The following PCDH15 variants were observed in gnomAD, a reference collection of about 807,000 sequenced individuals.
PCDH15 encodes protocadherin-15.
A neutral mutation model predicts 178.5 loss-of-function variants in PCDH15; 129 were observed. The observed-to-expected ratio is 0.72, with a 90% CI of 0.63 to 0.84. The LOEUF is 0.84. Among genes scored for constraint, PCDH15 ranks in the 40% least tolerant of loss-of-function variants. The probability of loss-of-function intolerance (pLI) is 0.00; values close to 1 mark genes in which losing one functional copy is unlikely to be tolerated. For synonymous variants in PCDH15, 800 were observed against 732.0 expected (o/e 1.09, Z -1.50); for missense variants, 2,230 against 2,099.9 (o/e 1.06, Z -1.21).
chr10:54,869,760 C>A lies in PCDH15; in HGVS notation c.-29+27690G>T, dbSNP rs1211586104. Among the ~76,000 whole-genome samples, 6 of 152,248 alleles carry A rather than the reference C, an allele frequency of 3.9e-5. No homozygotes were observed. In the East Asian group the frequency reaches 9.6e-4, roughly 24 times the overall value. ...AAGATAATGACTCTACAAGAGTGAT[C>A]CCAAAGTTCAAGGTGACACTTATAA... On this transcript the variant is annotated intron_variant, in intron 3 of 5. Transcript: ENST00000458638.
chr10:54,956,983 C>T (rs1274148326), intron 2 of PCDH15, among the ~76,000 whole-genome samples: 2 of 151,494 alleles, frequency 1.3e-5, no homozygotes, highest in Non-Finnish European at 3.0e-5. Context: ...GTTATACTGT[C>T]GCTAATTAGA....
At chr10:55,316,705 G>T (rs74136609) in intron 1 of PCDH15, among the ~76,000 whole-genome samples, 3 of 151,940 alleles carry the variant, frequency 2.0e-5, no homozygotes, top group Non-Finnish European at 4.4e-5. Context: ...CACTCTTTTC[G>T]AACAGATAAC....
intron 3 of PCDH15, among the ~76,000 whole-genome samples, chr10:54,396,920 AAGG>A (rs1305375965): frequency 1.4e-4 from 21 of 152,240 alleles, no homozygotes; most frequent in Non-Finnish European, 1.8e-4. Flanking sequence ...ACAAAATTTG[AAGG>A]AGGAGGACTG....
Position 54,429,911 on chromosome 10 carries a change from T to G in PCDH15, c.158-50969A>C, listed in dbSNP as rs116595331. 4.8e-3 allele frequency among the ~76,000 whole-genome samples: 736 copies of G among 152,242 alleles called. 8 individuals carry two copies. Among genetic ancestry groups the G allele is most frequent in the African/African-American group, 0.016 (684 of 41,546 alleles). Reference sequence around the variant, plus strand: ...AGTTGGAGACTTCAACACCCTACTTTCTGCATTGGACAGATCTAAGACAGA... The same window carrying G: ...AGTTGGAGACTTCAACACCCTACTTGCTGCATTGGACAGATCTAAGACAGA... On this transcript the variant is annotated intron_variant, in intron 3 of 37. Coordinates refer to ENST00000644397, the MANE Select transcript of PCDH15 (RefSeq NM_001384140.1).
At chr10:54,419,966 C>CT (rs1195972766) in intron 3 of PCDH15, among the ~76,000 whole-genome samples, 1 of 152,006 alleles carries the variant, frequency 6.6e-6, no homozygotes, top group Non-Finnish European at 1.5e-5. Context: ...CTCTTTGCAA[C>CT]TGTTTATCTT....
chr10:55,350,257 A>ATATATG (rs1554855935), intron 2 of PCDH15, among the ~76,000 whole-genome samples: 7 of 67,116 alleles, frequency 1.0e-4, no homozygotes, highest in African/African-American at 5.1e-4. Context: ...ATATATATAT[A>ATATATG]TATATATATA....
At chr10:54,108,938 C>G (rs2094963771) in intron 15 of PCDH15, among the ~76,000 whole-genome samples, 1 of 152,042 alleles carries the variant, frequency 6.6e-6, no homozygotes, top group Non-Finnish European at 1.5e-5. Flanking sequence ...CTGGTAGGAC[C>G]CATCAACTGA....
intron 1 of PCDH15, among the ~76,000 whole-genome samples, chr10:54,792,831 C>T (rs1043762058): frequency 6.6e-6 from 1 of 151,782 alleles, no homozygotes; most frequent in East Asian, 2.0e-4. Context: ...CCAGAGAACC[C>T]TGACAAATAC....
At chr10:55,537,618 T>C (rs1841609927) in intron 2 of PCDH15, among the ~76,000 whole-genome samples, 1 of 152,068 alleles carries the variant, frequency 6.6e-6, no homozygotes, top group African/African-American at 2.4e-5. Context: ...GTATTTTTAG[T>C]ACAGACGGGG....
intron 16 of PCDH15, among the ~76,000 whole-genome samples, chr10:54,080,250 T>C (rs1185359429): frequency 1.3e-5 from 2 of 152,144 alleles, no homozygotes; most frequent in Non-Finnish European, 2.9e-5. Flanking sequence ...GGGAAAATTA[T>C]TGCACTTACA....
intron 1 of PCDH15, among the ~76,000 whole-genome samples, chr10:54,680,362 CTAA>C (rs1166798158): frequency 6.6e-6 from 1 of 152,060 alleles, no homozygotes; most frequent in Admixed American, 6.6e-5. Flanking sequence ...TGCATTTCTC[CTAA>C]TATTAGGTAT....
chr10:55,087,247 A>T lies in PCDH15; in HGVS notation c.-80+79329T>A, dbSNP rs182455459. Reference sequence around the variant, plus strand: ...TAGTCAATAATTTGCTCACATATGAAATTATATGTTACTTTGACATTCAGA... The same window carrying T: ...TAGTCAATAATTTGCTCACATATGATATTATATGTTACTTTGACATTCAGA... On this transcript the variant is annotated intron_variant, in intron 2 of 5. Transcript: ENST00000458638. Among the ~76,000 whole-genome samples the T allele has an allele frequency of 1.2e-4, 18 of 152,278 alleles. No individual in the cohort carries two copies. In the East Asian group the frequency reaches 2.9e-3, roughly 25 times the overall value.
intron 2 of PCDH15, among the ~76,000 whole-genome samples, chr10:55,414,791 G>C (rs1188414789): frequency 1.3e-5 from 2 of 150,772 alleles, no homozygotes; most frequent in East Asian, 1.9e-4. Context: ...GTGTGTGTGT[G>C]TGTGTGTGTG....
chr10:55,555,712 G>A (rs1475492220), intron 2 of PCDH15, among the ~76,000 whole-genome samples: 3 of 152,200 alleles, frequency 2.0e-5, no homozygotes, highest in East Asian at 3.9e-4. Context: ...TAGAAGTAAT[G>A]AGGGTGCTTA....
chr10:53,889,799 G>A (rs1431856068), intron 26 of PCDH15, among the ~76,000 whole-genome samples: 2 of 152,074 alleles, frequency 1.3e-5, no homozygotes, highest in African/African-American at 4.8e-5. Context: ...CTAGAGCAAT[G>A]AAAATGAATC....
intron 2 of PCDH15, among the ~76,000 whole-genome samples, chr10:54,554,000 T>A (rs1212841091): frequency 6.6e-6 from 1 of 152,178 alleles, no homozygotes; most frequent in African/African-American, 2.4e-5. Flanking sequence ...AAGGCATAAT[T>A]TCTTTACAAA....
At chr10:54,266,732 C>T (rs1475811955) in intron 8 of PCDH15, among the ~76,000 whole-genome samples, 5 of 151,652 alleles carry the variant, frequency 3.3e-5, no homozygotes, top group Non-Finnish European at 7.4e-5. Context: ...AACACACAAC[C>T]TCTCAAGATT....
At chr10:55,207,580 A>G (rs942435701) in intron 1 of PCDH15, among the ~76,000 whole-genome samples, 1 of 152,190 alleles carries the variant, frequency 6.6e-6, no homozygotes, top group African/African-American at 2.4e-5. Flanking sequence ...AAGGGCACCA[A>G]ATTAAAACAT....
chr10:54,395,947 A>G (rs1951162308), intron 3 of PCDH15, among the ~76,000 whole-genome samples: 1 of 152,176 alleles, frequency 6.6e-6, no homozygotes, highest in Non-Finnish European at 1.5e-5. Flanking sequence ...CAATTTACCT[A>G]TGGGAGATCA....
Sources: gnomAD v4.1 joint callset for allele counts (sites outside exome capture counted in the v4.1 genomes callset) on GRCh38, gnomAD v4.1.1 for gene constraint, MANE v1.5 for transcripts, NCBI Gene and HGNC (gene_info 2026-07-23, HGNC 2026-07-21) for gene names.